The following TAFA1 variants were observed in gnomAD, a reference collection of about 807,000 sequenced individuals.
TAFA1 encodes the protein TAFA chemokine like family member 1.
TAFA1 carries 4 observed loss-of-function variants against 18.5 expected under a neutral mutation model. The ratio of observed to expected loss-of-function variants is 0.22; its 90% confidence interval spans 0.11 to 0.49. The LOEUF is 0.49. Ranked by LOEUF, TAFA1 falls within the 20% of genes least tolerant of loss-of-function variation. The probability of loss-of-function intolerance (pLI) is 0.98; values close to 1 mark genes in which losing one functional copy is unlikely to be tolerated. For synonymous variants in TAFA1, 56 were observed against 55.2 expected, an observed-to-expected ratio of 1.01 and a Z score of -0.06; for missense variants, 147 against 169.0, an observed-to-expected ratio of 0.87 and a Z score of 0.72.
At chr3:68,158,486 C>T (rs1270100547) in intron 2 of TAFA1, among the ~76,000 whole-genome samples, 1 of 151,582 alleles carries the variant, frequency 6.6e-6, no homozygotes, top group Non-Finnish European at 1.5e-5. Flanking sequence ...ATACTAGATA[C>T]ATTGTGGCCA....
intron 2 of TAFA1, among the ~76,000 whole-genome samples, chr3:68,077,972 C>CT (rs1039193864): frequency 1.3e-5 from 2 of 152,050 alleles, no homozygotes; most frequent in Admixed American, 6.5e-5. Flanking sequence ...TGTTTGTATC[C>CT]TCTTTTATTT....
intron 2 of TAFA1, among the ~76,000 whole-genome samples, chr3:68,282,952 G>A (rs549466842): frequency 1.3e-5 from 2 of 152,108 alleles, no homozygotes; most frequent in East Asian, 1.9e-4. Flanking sequence ...AGGGTTTGGG[G>A]TACATATCTT....
chr3:68,197,122 C>A (rs1281240055), intron 2 of TAFA1, among the ~76,000 whole-genome samples: 1 of 151,660 alleles, frequency 6.6e-6, no homozygotes, highest in African/African-American at 2.4e-5. Flanking sequence ...TAAACCCCAG[C>A]AGTAATTGGT....
intron 2 of TAFA1, among the ~76,000 whole-genome samples, chr3:68,092,886 A>G (rs543722067): frequency 1.3e-3 from 196 of 152,006 alleles, no homozygotes; most frequent in African/African-American, 4.5e-3. Context: ...ACACACTACA[A>G]CTCCGTTAGC....
intron 2 of TAFA1, among the ~76,000 whole-genome samples, chr3:68,016,016 G>C (rs1190673311): frequency 6.6e-6 from 1 of 152,180 alleles, no homozygotes; most frequent in African/African-American, 2.4e-5. Flanking sequence ...TGTGTCATGA[G>C]TGTTGTCTTG....
At chr3:68,189,317 T>C (rs528223845) in intron 2 of TAFA1, among the ~76,000 whole-genome samples, 1 of 152,034 alleles carries the variant, frequency 6.6e-6, no homozygotes, top group African/African-American at 2.4e-5. Flanking sequence ...AATCTAGCCC[T>C]AGAAAGCAAC....
intron 2 of TAFA1, among the ~76,000 whole-genome samples, chr3:68,242,207 C>T (rs2067009100): frequency 6.6e-6 from 1 of 152,112 alleles, no homozygotes; most frequent in African/African-American, 2.4e-5. Flanking sequence ...TCCTGCCCTG[C>T]TTGTGGCATT....
At chr3:68,144,907 TA>T in intron 2 of TAFA1, 1 of 694,840 alleles carries the variant, frequency 1.4e-6, no homozygotes, top group Non-Finnish European at 2.6e-6. Context: ...TTGGAGATAA[TA>T]ATAGGTCATA....
intron 4 of TAFA1, among the ~76,000 whole-genome samples, chr3:68,541,777 G>C (rs1044826839): frequency 1.3e-5 from 2 of 152,110 alleles, no homozygotes; most frequent in Admixed American, 1.3e-4. Flanking sequence ...AGGTTCCTGG[G>C]ACTTCATTCT....
intron 2 of TAFA1, among the ~76,000 whole-genome samples, chr3:68,256,312 C>T (rs78690920): frequency 0.08 from 12,229 of 152,110 alleles, 805 homozygotes; most frequent in Admixed American, 0.24. Flanking sequence ...TTTTTCAATA[C>T]GAGGAGTTCT....
chr3:68,197,644 C>T (rs760778682), intron 2 of TAFA1, among the ~76,000 whole-genome samples: 1 of 151,386 alleles, frequency 6.6e-6, no homozygotes, highest in East Asian at 2.0e-4. Flanking sequence ...TCAAAATTCT[C>T]TCCTACAGAA....
intron 3 of TAFA1, among the ~76,000 whole-genome samples, chr3:68,482,690 C>T (rs552802688): frequency 1.3e-5 from 2 of 152,282 alleles, no homozygotes; most frequent in African/African-American, 4.8e-5. Flanking sequence ...TGTCTATGGA[C>T]TTCACCCAGC....
chr3:68,386,546 A>G (rs1428741134), intron 2 of TAFA1, among the ~76,000 whole-genome samples: 2 of 151,434 alleles, frequency 1.3e-5, no homozygotes, highest in African/African-American at 4.9e-5. Flanking sequence ...TAGCCTGACA[A>G]TCCTGGAGGA....
chr3:68,120,241 CTTTCTTTCTTT>C (rs2065381326), intron 2 of TAFA1, among the ~76,000 whole-genome samples: 1 of 83,334 alleles, frequency 1.2e-5, no homozygotes, highest in Non-Finnish European at 2.5e-5. Context: ...TTCTTTCTTT[CTTTCTTTCTTT>C]CTTTCTTTCT....
At chr3:68,389,963 A>G (rs1342305083) in intron 2 of TAFA1, among the ~76,000 whole-genome samples, 2 of 152,120 alleles carry the variant, frequency 1.3e-5, no homozygotes, top group African/African-American at 4.8e-5. Flanking sequence ...TAGCTGCAGG[A>G]CTTTTTCTTG....
chr3:68,417,331 G>T lies in TAFA1; in HGVS notation c.170G>T (p.Arg57Leu), dbSNP rs376970202. ...GCACACCGATGTTGTAACAAGAATCGCATTGAGGAGCGGTCACAAACAGTA... is the reference window on the plus strand; with the variant it reads ...GCACACCGATGTTGTAACAAGAATCTCATTGAGGAGCGGTCACAAACAGTA... Reference protein sequence around the residue: ...IAAHRCCNKNRIEERSQTVKC... With the variant: ...IAAHRCCNKNLIEERSQTVKC... The change falls in exon 3 of 5, where the codon CGC becomes CTC. Residue 57 changes from arginine (R) to leucine (L), a missense_variant. Arg to Leu is a moderately radical substitution (Grantham distance 102). Coordinates refer to ENST00000478136, the MANE Select transcript of TAFA1 (RefSeq NM_213609.4). 3.1e-6 allele frequency: 5 copies of T among 1,613,414 alleles called. No individual in the cohort carries two copies. In the South Asian group the frequency reaches 3.3e-5, roughly 11 times the overall value.
chr3:68,339,620 C>A (rs147667918), intron 2 of TAFA1, among the ~76,000 whole-genome samples: 1 of 152,192 alleles, frequency 6.6e-6, no homozygotes, highest in Non-Finnish European at 1.5e-5. Flanking sequence ...GATAGAACTA[C>A]ATTTTTGCAG....
At chr3:68,436,009 A>G (rs2071262262) in intron 3 of TAFA1, among the ~76,000 whole-genome samples, 2 of 152,170 alleles carry the variant, frequency 1.3e-5, no homozygotes, top group Admixed American at 1.3e-4. Flanking sequence ...TGCATTTTTT[A>G]AAAGCTCCAT....
At chr3:68,415,492 G>C (rs2070813742) in intron 2 of TAFA1, among the ~76,000 whole-genome samples, 1 of 152,140 alleles carries the variant, frequency 6.6e-6, no homozygotes, top group Non-Finnish European at 1.5e-5. Flanking sequence ...GTTGGAGTGA[G>C]GAGGTTGGAG....
Sources: allele counts gnomAD v4.1 joint callset (sites outside exome capture counted in the v4.1 genomes callset), GRCh38; gene constraint gnomAD v4.1.1; transcripts MANE v1.5; gene names NCBI Gene and HGNC (gene_info 2026-07-23, HGNC 2026-07-21).